Variants in VAV3 observed in about 807,000 individuals in gnomAD.
VAV3 encodes guanine nucleotide exchange factor VAV3.
A neutral mutation model predicts 131.2 loss-of-function variants in VAV3; 94 were observed. The ratio of observed to expected loss-of-function variants is 0.72; its 90% confidence interval spans 0.61 to 0.85. VAV3 has a LOEUF of 0.85. VAV3 is among the 40% of genes least tolerant of loss of function. VAV3 has a pLI of 0.00. For missense variants in VAV3, 939 were observed against 1,002.7 expected (o/e 0.94, Z 0.86); for synonymous variants, 349 against 342.0 (o/e 1.02, Z -0.22).
chr1:107,757,127 ATGTT>A (rs1664146691), intron 11 of VAV3, 130 bp downstream of exon 11: 4 of 569,008 alleles, frequency 7.0e-6, no homozygotes, highest in Non-Finnish European at 1.2e-5. Flanking sequence ...GTATATATAT[ATGTT>A]TGTGTATATA....
chr1:107,818,240 T>C (rs1391850662), intron 2 of VAV3, among the ~76,000 whole-genome samples: 2 of 152,240 alleles, frequency 1.3e-5, no homozygotes, highest in African/African-American at 2.4e-5. Context: ...GGAAAGACTA[T>C]CTGCCTCCTG....
At chr1:107,725,455 A>G (rs912922803) in intron 15 of VAV3, among the ~76,000 whole-genome samples, 1 of 152,218 alleles carries the variant, frequency 6.6e-6, no homozygotes, top group African/African-American at 2.4e-5. Context: ...TCTACACAAT[A>G]CTAAGCATTT....
rs1656105697 is a variant in VAV3 at position 107,650,734 on chromosome 1, CA to C, written c.1778-7980del. Among the ~76,000 whole-genome samples, 36 of 131,856 alleles carry C rather than the reference CA, an allele frequency of 2.7e-4. No individual in the cohort carries two copies. In the South Asian group the frequency reaches 8.4e-3, roughly 31 times the overall value. The allele number at this position is 131,856 out of a possible 152,430, so 86.5% of individuals were successfully genotyped here. A position where few individuals can be genotyped will look rare whatever the true frequency, so the allele number is the denominator to read the frequency against. On this transcript the variant is annotated intron_variant, in intron 19 of 26. Coordinates refer to ENST00000370056, the MANE Select transcript of VAV3 (RefSeq NM_006113.5). ...CCCTCCCCCCACCCCACAACAGTCC[CA>C]GAGTGTGATGTTCCCCTTCCTGTGT...
chr1:107,674,824 T>C (rs1290113086), intron 19 of VAV3, among the ~76,000 whole-genome samples: 1 of 152,194 alleles, frequency 6.6e-6, no homozygotes, highest in Non-Finnish European at 1.5e-5. Context: ...ATATTATACA[T>C]TTTAATGTCC....
intron 9 of VAV3, among the ~76,000 whole-genome samples, chr1:107,763,076 C>T (rs181354209): frequency 8.7e-4 from 133 of 152,302 alleles, no homozygotes; most frequent in African/African-American, 3.1e-3. Context: ...GGCAGAAAGA[C>T]ACCAAGAATA....
intron 2 of VAV3, among the ~76,000 whole-genome samples, chr1:107,823,449 T>C (rs1376816418): frequency 2.0e-5 from 3 of 151,984 alleles, no homozygotes; most frequent in Non-Finnish European, 2.9e-5. Flanking sequence ...AGAGAAATGA[T>C]AAGTGAAGCA....
At chr1:107,696,825 T>C (rs764019659) in intron 17 of VAV3, among the ~76,000 whole-genome samples, 4 of 152,114 alleles carry the variant, frequency 2.6e-5, no homozygotes, top group South Asian at 2.1e-4. Flanking sequence ...AAACTAAGTC[T>C]CCATCCCCTG....
chr1:107,819,586 C>T (rs1021937580), intron 2 of VAV3, among the ~76,000 whole-genome samples: 8 of 151,310 alleles, frequency 5.3e-5, no homozygotes, highest in African/African-American at 1.9e-4. Flanking sequence ...GTGATGAGAA[C>T]AGGAATGCCT....
At chr1:107,834,453 G>T (rs1327745616) in intron 2 of VAV3, among the ~76,000 whole-genome samples, 1 of 151,892 alleles carries the variant, frequency 6.6e-6, no homozygotes, top group Non-Finnish European at 1.5e-5. Context: ...ACAGGAAATT[G>T]GAATATTCAA....
chr1:107,926,605 G>A (rs1175716848), intron 1 of VAV3, among the ~76,000 whole-genome samples: 1 of 151,916 alleles, frequency 6.6e-6, no homozygotes, highest in African/African-American at 2.4e-5. Flanking sequence ...GTAGCTGTGT[G>A]GTAGAGAGAG....
intron 1 of VAV3, among the ~76,000 whole-genome samples, chr1:107,906,214 T>G (rs1319589860): frequency 2.6e-5 from 4 of 152,206 alleles, no homozygotes; most frequent in Non-Finnish European, 5.9e-5. Context: ...GGCTTGTAAC[T>G]GTAGCCAGAA....
chr1:107,753,699 A>G (rs1391928350), intron 12 of VAV3, among the ~76,000 whole-genome samples: 1 of 151,126 alleles, frequency 6.6e-6, no homozygotes. Context: ...AGCTGGGACT[A>G]CAGGCACGTG....
intron 15 of VAV3, among the ~76,000 whole-genome samples, chr1:107,740,491 T>A (rs1357610919): frequency 6.6e-6 from 1 of 152,134 alleles, no homozygotes; most frequent in South Asian, 2.1e-4. Context: ...AGTAAAATAA[T>A]AATGACAAAT....
chr1:107,865,724 T>G (rs1434616855), intron 2 of VAV3, among the ~76,000 whole-genome samples: 2 of 151,842 alleles, frequency 1.3e-5, no homozygotes, highest in Admixed American at 1.3e-4. Context: ...TAGGCAAGAG[T>G]GGACAGGAAA....
intron 19 of VAV3, among the ~76,000 whole-genome samples, chr1:107,644,073 C>G (rs1335650273): frequency 6.6e-6 from 1 of 152,092 alleles, no homozygotes; most frequent in Non-Finnish European, 1.5e-5. Context: ...AGGTCTCACC[C>G]TAACACCAAC....
At position 107,785,739 on chromosome 1, in the gene VAV3, G is replaced by A. The variant is rs1665946640; in HGVS notation, c.322-6247C>T. The A allele has an allele frequency of 3.5e-6, 3 of 852,478 alleles. No homozygotes were observed. In the Admixed American group the frequency reaches 1.8e-4, roughly 52 times the overall value. 52.8% of individuals were successfully genotyped at this position (852,478 alleles called of 1,614,324 possible). ...AGAAATTCAGACAGAAGCATAGTCT[G>A]TAGACCAGGTCAACTGCAAGCTAGA... is the stretch of plus-strand genomic sequence containing the variant. On this transcript the variant is annotated intron_variant, in intron 2 of 26. Coordinates refer to ENST00000370056, the MANE Select transcript of VAV3 (RefSeq NM_006113.5).
At chr1:107,837,858 C>A (rs1031647352) in intron 2 of VAV3, among the ~76,000 whole-genome samples, 1 of 152,082 alleles carries the variant, frequency 6.6e-6, no homozygotes, top group Admixed American at 6.5e-5. Flanking sequence ...GAACTGGACT[C>A]CTACCTATCA....
chr1:107,774,676 C>A (rs1284822837), intron 4 of VAV3, among the ~76,000 whole-genome samples: 1 of 152,150 alleles, frequency 6.6e-6, no homozygotes, highest in African/African-American at 2.4e-5. Flanking sequence ...TACAGTGTAG[C>A]CATTACCTGC....
chr1:107,668,779 G>A (rs900365796), intron 19 of VAV3: 9 of 984,266 alleles, frequency 9.1e-6, no homozygotes, highest in African/African-American at 1.7e-5. Flanking sequence ...AATTTCTAAT[G>A]TCTAACATTA....
Sources: allele counts gnomAD v4.1 joint callset (sites outside exome capture counted in the v4.1 genomes callset), GRCh38; gene constraint gnomAD v4.1.1; transcripts MANE v1.5; gene names NCBI Gene and HGNC (gene_info 2026-07-23, HGNC 2026-07-21).